KDM4B: variants seen among roughly 807,000 people sequenced by gnomAD.
KDM4B encodes the protein lysine demethylase 4B.
In KDM4B, 32 loss-of-function variants were observed where a neutral mutation model predicts 125.2. The observed-to-expected ratio is 0.26, with a 90% CI of 0.19 to 0.34. The LOEUF is 0.34. KDM4B is among the 10% of genes least tolerant of loss of function. The pLI is 1.00. For synonymous variants in KDM4B, 721 were observed against 677.9 expected (o/e 1.06, Z -0.99); for missense variants, 1,190 against 1,577.7 (o/e 0.75, Z 4.16).
intron 6 of KDM4B, among the ~76,000 whole-genome samples, chr19:5,066,437 G>T (rs1057512852): frequency 6.6e-6 from 1 of 152,032 alleles, no homozygotes; most frequent in Non-Finnish European, 1.5e-5. Context: ...TGCCTCACAT[G>T]TGTCTCCCCA....
At chr19:4,977,624 C>G (rs1456261918) in intron 1 of KDM4B, among the ~76,000 whole-genome samples, 1 of 152,174 alleles carries the variant, frequency 6.6e-6, no homozygotes, top group African/African-American at 2.4e-5. Context: ...ATGAGATTAG[C>G]CGGCCGTGGA....
intron 6 of KDM4B, among the ~76,000 whole-genome samples, chr19:5,048,119 A>C (rs1189804112): frequency 6.6e-6 from 1 of 152,186 alleles, no homozygotes; most frequent in Non-Finnish European, 1.5e-5. Flanking sequence ...CGTCTGGGCC[A>C]GGCCCTACAG....
intron 1 of KDM4B, among the ~76,000 whole-genome samples, chr19:5,008,226 G>A: frequency 6.6e-6 from 1 of 152,210 alleles, no homozygotes; most frequent in East Asian, 1.9e-4. Flanking sequence ...CATTTTTTGT[G>A]TGTGAATATC....
intron 1 of KDM4B, among the ~76,000 whole-genome samples, chr19:5,009,782 A>G (rs940089867): frequency 6.6e-6 from 1 of 151,644 alleles, no homozygotes; most frequent in Non-Finnish European, 1.5e-5. Flanking sequence ...CCCAGGCTGG[A>G]GTGCAGGGGC....
intron 9 of KDM4B, among the ~76,000 whole-genome samples, chr19:5,103,914 C>T (rs2038985992): frequency 6.6e-6 from 1 of 152,226 alleles, no homozygotes; most frequent in Non-Finnish European, 1.5e-5. Context: ...GCACGGCCAC[C>T]TCCTGTAGAA....
At chr19:5,072,822 G>T (rs1240946403) in intron 7 of KDM4B, among the ~76,000 whole-genome samples, 1 of 152,288 alleles carries the variant, frequency 6.6e-6, no homozygotes, top group South Asian at 2.1e-4. Context: ...TCCATCTGGA[G>T]GCACCAGGGG....
intron 6 of KDM4B, among the ~76,000 whole-genome samples, chr19:5,068,619 T>C (rs1386046339): frequency 6.6e-6 from 1 of 152,200 alleles, no homozygotes; most frequent in African/African-American, 2.4e-5. Flanking sequence ...CAGCATCAGG[T>C]CTTCTGGTCC....
intron 1 of KDM4B, among the ~76,000 whole-genome samples, chr19:4,978,088 G>A (rs917421736): frequency 2.0e-5 from 3 of 152,154 alleles, no homozygotes; most frequent in Admixed American, 2.0e-4. Flanking sequence ...GAAGATTGCC[G>A]TCCCTAGCAT....
chr19:5,046,076 T>C (rs564208025), intron 5 of KDM4B, among the ~76,000 whole-genome samples: 8 of 152,336 alleles, frequency 5.3e-5, no homozygotes, highest in African/African-American at 1.2e-4. Context: ...AAGTTCAGCC[T>C]CAGACTCCAG....
intron 9 of KDM4B, among the ~76,000 whole-genome samples, chr19:5,098,734 A>T (rs1249445753): frequency 1.3e-5 from 2 of 152,018 alleles, no homozygotes; most frequent in Non-Finnish European, 2.9e-5. Context: ...CTTATGAAAG[A>T]GCCCCCAGAG....
At chr19:5,026,729 T>C (rs1323704472) in intron 2 of KDM4B, among the ~76,000 whole-genome samples, 1 of 152,050 alleles carries the variant, frequency 6.6e-6, no homozygotes, top group African/African-American at 2.4e-5. Context: ...CACAAGGCAG[T>C]TTTGTGGTTT....
intron 7 of KDM4B, chr19:5,077,009 A>G (rs540932477): frequency 3.7e-6 from 1 of 268,264 alleles, no homozygotes; most frequent in East Asian, 8.6e-5. Context: ...ACCTTGTCAC[A>G]CAAGTAACCC....
chr19:5,031,223 T>G (rs898643437), intron 2 of KDM4B, among the ~76,000 whole-genome samples: 1 of 152,222 alleles, frequency 6.6e-6, no homozygotes, highest in African/African-American at 2.4e-5. Context: ...GATTGGGTAC[T>G]GGGACCTGGC....
At chr19:4,993,016 T>G (rs532000154) in intron 1 of KDM4B, among the ~76,000 whole-genome samples, 2 of 152,372 alleles carry the variant, frequency 1.3e-5, no homozygotes, top group East Asian at 3.9e-4. Context: ...ATGTTCCATA[T>G]GTACTGAGAA....
chr19:5,137,844 G>A lies in KDM4B; in HGVS notation c.2442-118G>A, dbSNP rs529391785. 1.9e-3 allele frequency: 2,068 copies of A among 1,062,784 alleles called. 43 individuals carry two copies. In the South Asian group the frequency reaches 0.029, roughly 15 times the overall value. The allele number at this position is 1,062,784 out of a possible 1,614,324, so 65.8% of individuals were successfully genotyped here. A position where few individuals can be genotyped will look rare whatever the true frequency, so the allele number is the denominator to read the frequency against. ...CTGAGGAGGAGCATACGCCTGCACC[G>A]ACCTTCCTGAAGTTCCCCAGGCCCT... is the stretch of plus-strand genomic sequence containing the variant. On this transcript the variant is annotated intron_variant, in intron 17 of 22. Transcript: ENST00000159111.
At chr19:4,999,503 C>T (rs560171101) in intron 1 of KDM4B, among the ~76,000 whole-genome samples, 1 of 152,104 alleles carries the variant, frequency 6.6e-6, no homozygotes, top group Non-Finnish European at 1.5e-5. Context: ...CCAGGTGCTC[C>T]GTGTGCTCAG....
In KDM4B at chr19:5,041,227, C is replaced by T; in HGVS notation, c.408C>T (p.Asp136=). 6.2e-7 allele frequency: 1 copy of T among 1,612,920 alleles called. No homozygotes were observed. Among genetic ancestry groups the T allele is most frequent in the East Asian group, 2.2e-5 (1 of 44,836 alleles). The change falls in exon 5 of 23, where the codon GAC becomes GAT. Residue 136 remains aspartate, a synonymous_variant. Coordinates refer to ENST00000159111, the MANE Select transcript of KDM4B (RefSeq NM_015015.3). ...LTFVSPIYGA[D]ISGSLYDDDV... is the part of the protein sequence containing the mutation. The stretch of plus-strand genomic sequence containing the variant: ...TTGTCTCCCCGATCTACGGGGCTGA[C>T]ATCAGCGGCTCTTTGTATGATGACG...
intron 1 of KDM4B, among the ~76,000 whole-genome samples, chr19:5,006,714 A>G (rs929436691): frequency 2.6e-5 from 4 of 151,862 alleles, no homozygotes; most frequent in Non-Finnish European, 5.9e-5. Flanking sequence ...CGGAGGCTGC[A>G]GTGACCTGAG....
At chr19:5,058,656 G>A (rs1055516574) in intron 6 of KDM4B, among the ~76,000 whole-genome samples, 3 of 152,210 alleles carry the variant, frequency 2.0e-5, no homozygotes, top group Admixed American at 1.3e-4. Context: ...GCCTCACGTC[G>A]TGTGCTGAGT....
Sources: gnomAD v4.1 joint callset for allele counts (sites outside exome capture counted in the v4.1 genomes callset) on GRCh38, gnomAD v4.1.1 for gene constraint, MANE v1.5 for transcripts, NCBI Gene and HGNC (gene_info 2026-07-23, HGNC 2026-07-21) for gene names.